DNAJC11: variants seen among roughly 807,000 people sequenced by gnomAD.
DNAJC11 encodes DnaJ heat shock protein family (Hsp40) member C11.
In DNAJC11, 15 loss-of-function variants were observed where a neutral mutation model predicts 78.6. The ratio of observed to expected loss-of-function variants is 0.19; its 90% confidence interval spans 0.13 to 0.29. The LOEUF is 0.29. Among genes scored for constraint, DNAJC11 ranks in the 10% least tolerant of loss-of-function variants. The pLI, the probability that DNAJC11 is intolerant of heterozygous loss-of-function variation, is 1.00. For missense variants in DNAJC11, 547 were observed against 709.6 expected, an observed-to-expected ratio of 0.77 and a Z score of 2.60; for synonymous variants, 292 against 272.1, an observed-to-expected ratio of 1.07 and a Z score of -0.72.
rs1275261872 is a variant in DNAJC11 at position 6,637,189 on chromosome 1, C to G, written c.1524+9G>C. Reference sequence around the variant, plus strand: ...AGCACATAGCATGTGGTGGCTGGTGCTGCTGTACCTTGGAGGCCTCCGTGA... The same window carrying G: ...AGCACATAGCATGTGGTGGCTGGTGGTGCTGTACCTTGGAGGCCTCCGTGA... On this transcript the variant is annotated intron_variant, in intron 14 of 15. Transcript: ENST00000377577. 6.2e-7 allele frequency: 1 copy of G among 1,613,916 alleles called. No homozygotes were observed. The highest frequency in any genetic ancestry group is 1.3e-5 in the African/African-American group (1 of 74,926).
chr1:6,637,809 A>T (rs1641806251), intron 12 of DNAJC11: 1 of 504,914 alleles, frequency 2.0e-6, no homozygotes, highest in African/African-American at 1.9e-5. Context: ...TTGACCCAAT[A>T]AAAAAACAAT....
At chr1:6,640,223 C>G (rs900485266) in intron 10 of DNAJC11, among the ~76,000 whole-genome samples, 166 bp from the exon 11 acceptor site, 1 of 152,170 alleles carries the variant, frequency 6.6e-6, no homozygotes, top group African/African-American at 2.4e-5. Context: ...TTCTGGCCTC[C>G]CGTTCCAAAG....
intron 1 of DNAJC11, among the ~76,000 whole-genome samples, chr1:6,695,033 C>G (rs1333976930): frequency 2.0e-5 from 3 of 149,826 alleles, no homozygotes; most frequent in Non-Finnish European, 4.4e-5. Flanking sequence ...GTAGTCCCGG[C>G]TACTCGGGAG....
intron 4 of DNAJC11, among the ~76,000 whole-genome samples, chr1:6,660,320 C>T (rs568896764): frequency 2.0e-5 from 3 of 151,856 alleles, no homozygotes; most frequent in African/African-American, 7.2e-5. Flanking sequence ...CCAAGCCCGG[C>T]TAATTTTTGT....
At chr1:6,696,100 T>C (rs1642831918) in intron 1 of DNAJC11, among the ~76,000 whole-genome samples, 1 of 152,252 alleles carries the variant, frequency 6.6e-6, no homozygotes, top group Admixed American at 6.5e-5. Flanking sequence ...AATGCAGACA[T>C]CTGAATAAGT....
chr1:6,677,318 G>C (rs1056948187), intron 3 of DNAJC11, among the ~76,000 whole-genome samples: 2 of 151,900 alleles, frequency 1.3e-5, no homozygotes, highest in African/African-American at 4.8e-5. Context: ...TGTGAGACAG[G>C]GTCTTGCTCT....
rs1641712823 is a variant in DNAJC11 at position 6,634,371 on chromosome 1, C to A, written c.*1304G>T. Reference sequence around the variant, plus strand: ...TTTTAAAAAATGGAGATGAATGTTACAGAATTGGACAACCCGAACTGCTTT... The same window carrying A: ...TTTTAAAAAATGGAGATGAATGTTAAAGAATTGGACAACCCGAACTGCTTT... On this transcript the variant is annotated 3_prime_UTR_variant, in exon 16 of 16. Transcript: ENST00000377577. The A allele has an allele frequency of 1.8e-6, 2 of 1,136,284 alleles. No homozygotes were observed. Among genetic ancestry groups the A allele is most frequent in the East Asian group, 3.7e-5 (1 of 27,158 alleles). 70.4% of individuals were successfully genotyped at this position (1,136,284 alleles called of 1,614,324 possible).
intron 1 of DNAJC11, among the ~76,000 whole-genome samples, chr1:6,699,595 T>C (rs574445603): frequency 3.0e-4 from 45 of 152,290 alleles, no homozygotes; most frequent in African/African-American, 1.0e-3. Context: ...TAGCCAGACA[T>C]CTTCATTTAA....
chr1:6,651,825 CAT>C (rs1171115482), intron 6 of DNAJC11, among the ~76,000 whole-genome samples: 6 of 152,358 alleles, frequency 3.9e-5, no homozygotes, highest in South Asian at 2.1e-4. Context: ...TTCAAAGGCA[CAT>C]GTTTCATTGG....
intron 4 of DNAJC11, among the ~76,000 whole-genome samples, chr1:6,665,677 T>C (rs1446134827): frequency 6.6e-6 from 1 of 152,194 alleles, no homozygotes; most frequent in East Asian, 1.9e-4. Context: ...CAGACACATT[T>C]GCATAGAGTC....
In DNAJC11 at chr1:6,652,844, T is replaced by C. The variant is rs199541790; in HGVS notation, c.615A>G (p.Ala205=). The C allele has an allele frequency of 2.5e-6, 4 of 1,614,196 alleles. No individual in the cohort carries two copies. Among genetic ancestry groups the C allele is most frequent in the Non-Finnish European group, 3.4e-6 (4 of 1,180,040 alleles). Residue 205 remains alanine, a synonymous_variant, in exon 6 of 16, where the codon GCA becomes GCG. Coordinates refer to ENST00000377577, the MANE Select transcript of DNAJC11 (RefSeq NM_018198.4). ...ACATTCTTACCTCTCCCCATCCCTT[T>C]GCCGAAGTTACTCGTCTGAGCGCAA... ...INFALRRVTS[A]KGWGELEFGA...
intron 12 of DNAJC11, 107 bp downstream of exon 12, chr1:6,638,188 A>G (rs1641816097): frequency 1.8e-6 from 2 of 1,115,360 alleles, no homozygotes; most frequent in Non-Finnish European, 2.6e-6. Flanking sequence ...TGGAGAGCCA[A>G]GTTGTTGGAG....
chr1:6,680,180 C>G lies in DNAJC11; in HGVS notation c.202+728G>C, dbSNP rs1334202360. 6.6e-6 allele frequency among the ~76,000 whole-genome samples: 1 copy of G among 152,046 alleles called. No homozygotes were observed. Among genetic ancestry groups the G allele is most frequent in the East Asian group, 1.9e-4 (1 of 5,200 alleles). ...GTTGATGTATATAACAGTGATTTAA[C>G]ATTTTTTTTAATTTAAATTTTAAAA... On this transcript the variant is annotated intron_variant, in intron 2 of 15. Transcript: ENST00000377577. The surrounding 1 kb of genome is among the most constrained non-coding windows in gnomAD (Gnocchi z 4.0).
At position 6,637,483 on chromosome 1, in the gene DNAJC11, C is replaced by T. The variant is rs1484981527; in HGVS notation, c.1345G>A (p.Val449Ile). The T allele has an allele frequency of 6.2e-7, 1 of 1,614,234 alleles. No homozygotes were observed. Among genetic ancestry groups the T allele is most frequent in the Non-Finnish European group, 8.5e-7 (1 of 1,180,042 alleles). Residue 449 changes from valine to isoleucine, a missense_variant, in exon 13 of 16, where the codon GTC becomes ATC. Coordinates refer to ENST00000377577, the MANE Select transcript of DNAJC11 (RefSeq NM_018198.4). Reference sequence around the variant, plus strand: ...TCTTCTGCCTCAATTATCCTTCGGACAGATTCCTGCATCAGCCGGACCTGC... The same window carrying T: ...TCTTCTGCCTCAATTATCCTTCGGATAGATTCCTGCATCAGCCGGACCTGC... Reference protein sequence around the residue: ...ESAVRLMQESVRRIIEAEESR... With the variant: ...ESAVRLMQESIRRIIEAEESR...
intron 7 of DNAJC11, 132 bp downstream of exon 7, chr1:6,651,397 G>A: frequency 1.3e-6 from 1 of 774,478 alleles, no homozygotes. Context: ...TGCTATACCT[G>A]CCCTTGATGT....
intron 3 of DNAJC11, among the ~76,000 whole-genome samples, chr1:6,671,436 C>T (rs1642378138): frequency 6.7e-6 from 1 of 148,278 alleles, no homozygotes; most frequent in South Asian, 2.1e-4. Context: ...CGGGGTTTCA[C>T]CGTATTAGCC....
At chr1:6,639,878 C>T (rs1174632184) in intron 11 of DNAJC11, 24 bp downstream of exon 11, 2 of 1,607,314 alleles carry the variant, frequency 1.2e-6, no homozygotes, top group Non-Finnish European at 1.7e-6. Flanking sequence ...TGGCTAGTGA[C>T]ATGCCCATGA....
intron 7 of DNAJC11, among the ~76,000 whole-genome samples, chr1:6,647,746 T>TG (rs751146650): frequency 6.6e-6 from 1 of 151,754 alleles, no homozygotes; most frequent in Non-Finnish European, 1.5e-5. Flanking sequence ...ACCTGGGAGG[T>TG]GGAGGTTGCA....
At chr1:6,693,039 G>A (rs1642771990) in intron 1 of DNAJC11, among the ~76,000 whole-genome samples, 1 of 151,836 alleles carries the variant, frequency 6.6e-6, no homozygotes, top group Non-Finnish European at 1.5e-5. Context: ...CCAAGTAGCT[G>A]GGATTACAGG....
Sources: gnomAD v4.1 joint callset for allele counts (sites outside exome capture counted in the v4.1 genomes callset) on GRCh38, gnomAD v4.1.1 for gene constraint, Gnocchi (gnomAD v3.1) non-coding constraint, MANE v1.5 for transcripts, NCBI Gene and HGNC (gene_info 2026-07-23, HGNC 2026-07-21) for gene names.